The following SEMA5A variants were observed in gnomAD, a reference collection of about 807,000 sequenced individuals.
SEMA5A encodes the protein semaphorin 5A, also known as semaphorin-5A.
In SEMA5A, 55 loss-of-function variants were observed where a neutral mutation model predicts 135.5. The ratio of observed to expected loss-of-function variants is 0.41; its 90% confidence interval spans 0.33 to 0.51. SEMA5A has a LOEUF of 0.51. Ranked by LOEUF, SEMA5A falls within the 20% of genes least tolerant of loss-of-function variation. The probability of loss-of-function intolerance (pLI) is 0.37; values close to 1 mark genes in which losing one functional copy is unlikely to be tolerated. For synonymous variants in SEMA5A, 580 were observed against 546.5 expected (o/e 1.06, Z -0.85); for missense variants, 1,290 against 1,419.9 (o/e 0.91, Z 1.47).
At chr5:9,224,182 C>T (rs1419974024) in intron 8 of SEMA5A, among the ~76,000 whole-genome samples, 5 of 152,154 alleles carry the variant, frequency 3.3e-5, no homozygotes, top group African/African-American at 9.7e-5. Flanking sequence ...AAGATGCCTA[C>T]TACTAACTTC....
At chr5:9,434,757 A>C (rs1757972696) in intron 2 of SEMA5A, among the ~76,000 whole-genome samples, 1 of 152,158 alleles carries the variant, frequency 6.6e-6, no homozygotes, top group African/African-American at 2.4e-5. Flanking sequence ...AAGGTGAAGC[A>C]CACTTTGCCA....
chr5:9,088,659 T>TATATATATATATACACACACACAC, intron 16 of SEMA5A, among the ~76,000 whole-genome samples: 91 of 112,850 alleles, frequency 8.1e-4, no homozygotes, highest in Admixed American at 4.8e-3. Flanking sequence ...TATATATATA[T>TATATATATATATACACACACACAC]ACACACACAC....
intron 3 of SEMA5A, among the ~76,000 whole-genome samples, chr5:9,358,841 C>T (rs10491235): frequency 0.042 from 6,426 of 152,224 alleles, 431 homozygotes; most frequent in African/African-American, 0.15. Context: ...TATGCTATGA[C>T]AAATATGCCT....
In SEMA5A at chr5:9,042,089, C is replaced by T. The variant is rs1443410972; in HGVS notation, c.*808G>A. ...GGCTCTTCAGGACGTCACTATGGAC[C>T]AGACAGGTGGACTTCCAGGCCAACA... is the stretch of plus-strand genomic sequence containing the variant. On this transcript the variant is annotated 3_prime_UTR_variant, in exon 23 of 23. Coordinates refer to ENST00000382496, the MANE Select transcript of SEMA5A (RefSeq NM_003966.3). The T allele has an allele frequency of 6.6e-6, 1 of 152,156 alleles. No homozygotes were observed. Among genetic ancestry groups the T allele is most frequent in the Non-Finnish European group, 1.5e-5 (1 of 68,036 alleles). The allele number at this position is 152,156 out of a possible 1,614,324, so 9.4% of individuals were successfully genotyped here.
intron 5 of SEMA5A, among the ~76,000 whole-genome samples, chr5:9,273,424 T>C (rs1750090656): frequency 6.6e-6 from 1 of 152,114 alleles, no homozygotes; most frequent in Admixed American, 6.6e-5. Flanking sequence ...TGCAGGATAT[T>C]ATCTAGGAGA....
intron 1 of SEMA5A, among the ~76,000 whole-genome samples, chr5:9,531,359 T>C (rs1404396321): frequency 6.6e-6 from 1 of 152,208 alleles, no homozygotes; most frequent in Non-Finnish European, 1.5e-5. Flanking sequence ...TATCCTGGCT[T>C]TGTGTGGTTT....
At chr5:9,091,593 T>G (rs923055372) in intron 16 of SEMA5A, among the ~76,000 whole-genome samples, 1 of 152,202 alleles carries the variant, frequency 6.6e-6, no homozygotes, top group Non-Finnish European at 1.5e-5. Flanking sequence ...TTATTTCTAT[T>G]TCAAGTTTAA....
intron 2 of SEMA5A, among the ~76,000 whole-genome samples, chr5:9,425,055 T>G (rs1293614520): frequency 6.6e-6 from 1 of 152,202 alleles, no homozygotes. Context: ...AGAAGTTTCA[T>G]GTCCCGGCTT....
chr5:9,251,309 A>T (rs1748772365), intron 5 of SEMA5A, among the ~76,000 whole-genome samples: 1 of 152,180 alleles, frequency 6.6e-6, no homozygotes, highest in Non-Finnish European at 1.5e-5. Context: ...AAAGTGCTAG[A>T]CATCACATCT....
chr5:9,414,141 T>C (rs1321162048), intron 2 of SEMA5A, among the ~76,000 whole-genome samples: 1 of 152,190 alleles, frequency 6.6e-6, no homozygotes. Flanking sequence ...ATTTTACAAA[T>C]AACACATATA....
rs143971441 is a variant in SEMA5A at position 9,165,061 on chromosome 5, C to A, written c.1274-10366G>T. Among the ~76,000 whole-genome samples, 3 of 152,232 alleles carry A rather than the reference C, an allele frequency of 2.0e-5. No homozygotes were observed. In the East Asian group the frequency reaches 5.8e-4, roughly 29 times the overall value. ...AAATTTAATGCTTAAACAGTATTTA[C>A]GTGAAAGTCCCTGTGTCTCACGTGT... On this transcript the variant is annotated intron_variant, in intron 11 of 22. Coordinates refer to ENST00000382496, the MANE Select transcript of SEMA5A (RefSeq NM_003966.3).
At chr5:9,429,513 T>C (rs1301886245) in intron 2 of SEMA5A, among the ~76,000 whole-genome samples, 1 of 152,160 alleles carries the variant, frequency 6.6e-6, no homozygotes, top group South Asian at 2.1e-4. Flanking sequence ...AAATATCTCA[T>C]GTATCAGACA....
rs191733934 is a variant in SEMA5A, at chr5:9,257,813, G to C, written c.271-19923C>G. On this transcript the variant is annotated intron_variant, in intron 5 of 22. Transcript: ENST00000382496. ...CTCTACCAAGGGGCATCCATGGGAG[G>C]GTTCAGCAAAGCCCAGGAACAGGGT... 8.0e-4 allele frequency among the ~76,000 whole-genome samples: 121 copies of C among 151,800 alleles called. 1 individual carries two copies. The highest frequency in any genetic ancestry group is 1.4e-3 in the Non-Finnish European group (97 of 67,798).
chr5:9,236,622 G>A (rs374882740), intron 6 of SEMA5A, among the ~76,000 whole-genome samples: 3 of 152,132 alleles, frequency 2.0e-5, no homozygotes, highest in Non-Finnish European at 2.9e-5. Flanking sequence ...TATCACATTC[G>A]AATTCTTTGA....
At chr5:9,185,571 A>G (rs747972441) in intron 11 of SEMA5A, among the ~76,000 whole-genome samples, 1 of 152,258 alleles carries the variant, frequency 6.6e-6, no homozygotes, top group Non-Finnish European at 1.5e-5. Context: ...ATATAACACA[A>G]AAAGAGATCA....
At chr5:9,289,638 C>A (rs1750977848) in intron 5 of SEMA5A, among the ~76,000 whole-genome samples, 1 of 151,872 alleles carries the variant, frequency 6.6e-6, no homozygotes, top group Admixed American at 6.6e-5. Flanking sequence ...GCATTCCAGC[C>A]TGGGTGACAG....
intron 3 of SEMA5A, among the ~76,000 whole-genome samples, chr5:9,349,511 T>C (rs1282444023): frequency 6.6e-6 from 1 of 152,244 alleles, no homozygotes; most frequent in East Asian, 1.9e-4. Flanking sequence ...GGGAAAAGCA[T>C]AAAGATGATA....
intron 1 of SEMA5A, chr5:9,498,843 C>G (rs1382973081): frequency 2.6e-5 from 4 of 152,138 alleles, no homozygotes; most frequent in Admixed American, 6.5e-5. Flanking sequence ...ATGATTTGGG[C>G]TGGGTTAGGT....
At chr5:9,265,384 TTATC>T (rs771982311) in intron 5 of SEMA5A, 28 of 455,552 alleles carry the variant, frequency 6.1e-5, no homozygotes, top group Admixed American at 1.6e-4. Context: ...ACCATATAAT[TTATC>T]TAACAAGTCA....
Sources: allele counts gnomAD v4.1 joint callset (sites outside exome capture counted in the v4.1 genomes callset), GRCh38; gene constraint gnomAD v4.1.1; transcripts MANE v1.5; gene names NCBI Gene and HGNC (gene_info 2026-07-23, HGNC 2026-07-21).